ELP4: variants seen among roughly 807,000 people sequenced by gnomAD.
ELP4 encodes elongator acetyltransferase complex subunit 4.
A neutral mutation model predicts 48.9 loss-of-function variants in ELP4; 51 were observed. That is an observed-to-expected ratio of 1.04 (90% CI 0.83 to 1.32). The LOEUF is 1.32. Among genes scored for constraint, ELP4 ranks in the 40% most tolerant of loss-of-function variants. The pLI is 0.00. For missense variants in ELP4, 519 were observed against 514.6 expected (o/e 1.01, Z -0.08); for synonymous variants, 210 against 189.2 (o/e 1.11, Z -0.90).
intron 7 of ELP4, among the ~76,000 whole-genome samples, chr11:31,640,990 G>A (rs1592183220): frequency 6.6e-6 from 1 of 151,982 alleles, no homozygotes; most frequent in South Asian, 2.1e-4. Flanking sequence ...TCCTGTTCTG[G>A]GAGCTTCTGG....
intron 3 of ELP4, among the ~76,000 whole-genome samples, chr11:31,552,872 C>T (rs1956874847): frequency 6.6e-6 from 1 of 152,094 alleles, no homozygotes; most frequent in Non-Finnish European, 1.5e-5. Context: ...TACTTAATAT[C>T]TCCCCCTGAC....
chr11:31,578,539 T>C (rs1444260029), intron 3 of ELP4, among the ~76,000 whole-genome samples: 1 of 152,132 alleles, frequency 6.6e-6, no homozygotes, highest in African/African-American at 2.4e-5. Flanking sequence ...CTTCCAACTA[T>C]ACTGCAAGGC....
rs753565567 is a variant in ELP4 at position 31,539,643 on chromosome 11, C to T, written c.260-19C>T. The T allele has an allele frequency of 1.3e-6, 2 of 1,589,430 alleles. No individual in the cohort carries two copies. The highest frequency in any genetic ancestry group is 1.2e-5 in the South Asian group (1 of 84,950). On this transcript the variant is annotated intron_variant, in intron 2 of 9. Coordinates refer to ENST00000640961, the MANE Select transcript of ELP4 (RefSeq NM_019040.5). The stretch of plus-strand genomic sequence containing the variant: ...TTTTCTTGCTATATGTTTCTAACTG[C>T]AACTTTTCCTTTTTACAGAGGAGGA...
intron 9 of ELP4, chr11:31,719,448 A>G (rs1266336444): frequency 2.5e-6 from 1 of 398,140 alleles, no homozygotes; most frequent in Non-Finnish European, 4.4e-6. Context: ...TATAATTCTA[A>G]TAATGAAATT....
intron 3 of ELP4, among the ~76,000 whole-genome samples, chr11:31,581,193 G>A (rs1363349296): frequency 6.6e-6 from 1 of 152,050 alleles, no homozygotes; most frequent in Non-Finnish European, 1.5e-5. Flanking sequence ...TGCTTCCTAG[G>A]TTGTCTACAC....
At position 31,776,374 on chromosome 11, in the gene ELP4, C is replaced by A. The variant is rs567186151; in HGVS notation, c.1144-7019C>A. 5.1e-4 allele frequency among the ~76,000 whole-genome samples: 78 copies of A among 152,328 alleles called. 1 individual carries two copies. Among genetic ancestry groups the A allele is most frequent in the Non-Finnish European group, 1.0e-3 (70 of 68,034 alleles). ...CACCCTAAAGTTAACCATAGCACTT[C>A]TGCTCCAGATGAAGTGACCATAACT... On this transcript the variant is annotated intron_variant, in intron 9 of 9. Transcript: ENST00000640961.
intron 5 of ELP4, among the ~76,000 whole-genome samples, chr11:31,613,510 C>A (rs1958019616): frequency 6.6e-6 from 1 of 152,024 alleles, no homozygotes; most frequent in African/African-American, 2.4e-5. Flanking sequence ...TTTTTAGAAT[C>A]AAAAACATTT....
intron 4 of ELP4, among the ~76,000 whole-genome samples, chr11:31,596,317 T>C (rs1449783800): frequency 6.6e-6 from 1 of 152,112 alleles, no homozygotes; most frequent in Non-Finnish European, 1.5e-5. Flanking sequence ...AGGCAGAGAA[T>C]TGCTTGAACC....
At chr11:31,704,299 A>G (rs1009441349) in intron 9 of ELP4, among the ~76,000 whole-genome samples, 2 of 152,154 alleles carry the variant, frequency 1.3e-5, no homozygotes, top group Admixed American at 1.3e-4. Flanking sequence ...TCTTAAAACT[A>G]TGCAGCCATA....
intron 9 of ELP4, chr11:31,707,405 T>C (rs921430500): frequency 1.8e-5 from 3 of 162,166 alleles, no homozygotes; most frequent in African/African-American, 7.2e-5. Context: ...CATCTTGGTA[T>C]GTTGTAAGTG....
rs184900808 is a variant in ELP4 at position 31,519,948 on chromosome 11, T to A, written c.224-108T>A. 182 of 951,946 alleles carry A rather than the reference T, an allele frequency of 1.9e-4. No individual in the cohort carries two copies. The African/African-American group carries it at 2.7e-3, about 14-fold the overall frequency. 59.0% of individuals were successfully genotyped at this position (951,946 alleles called of 1,614,324 possible). On this transcript the variant is annotated intron_variant, in intron 1 of 9. Coordinates refer to ENST00000640961, the MANE Select transcript of ELP4 (RefSeq NM_019040.5). ...AGGTAATTAAAATGTTGTTCACAAC[T>A]ACTGTTTTAAAGTTATTGAAGTGCC...
chr11:31,692,074 G>C (rs1322262458), intron 9 of ELP4, among the ~76,000 whole-genome samples: 1 of 152,112 alleles, frequency 6.6e-6, no homozygotes, highest in Admixed American at 6.6e-5. Flanking sequence ...TTTTTAAGCT[G>C]TGAAACTCTG....
At chr11:31,578,119 G>A (rs952069860) in intron 3 of ELP4, among the ~76,000 whole-genome samples, 5 of 152,078 alleles carry the variant, frequency 3.3e-5, no homozygotes, top group Non-Finnish European at 5.9e-5. Flanking sequence ...AAATCAATGT[G>A]CAAAAATCAC....
At chr11:31,551,926 A>G (rs1472014246) in intron 3 of ELP4, among the ~76,000 whole-genome samples, 1 of 152,182 alleles carries the variant, frequency 6.6e-6, no homozygotes, top group Non-Finnish European at 1.5e-5. Context: ...TGACACACAG[A>G]TTTCTAACCT....
At chr11:31,557,119 A>C (rs978066547) in intron 3 of ELP4, among the ~76,000 whole-genome samples, 5 of 151,914 alleles carry the variant, frequency 3.3e-5, no homozygotes, top group Non-Finnish European at 7.4e-5. Flanking sequence ...AACATTTAGT[A>C]ATAAAGCAAT....
intron 9 of ELP4, among the ~76,000 whole-genome samples, chr11:31,688,966 A>T (rs779283492): frequency 3.6e-4 from 55 of 152,190 alleles, no homozygotes; most frequent in Non-Finnish European, 6.8e-4. Flanking sequence ...AATTTATGGC[A>T]ATTTGTTAAC....
intron 9 of ELP4, among the ~76,000 whole-genome samples, chr11:31,772,388 G>A (rs1164011280): frequency 6.6e-6 from 1 of 152,088 alleles, no homozygotes; most frequent in Non-Finnish European, 1.5e-5. Flanking sequence ...CCCAAGTGCT[G>A]GAATTACAGG....
At position 31,656,074 on chromosome 11, in the gene ELP4, C is replaced by T. The variant is rs571519820; in HGVS notation, c.1143+5853C>T. Among the ~76,000 whole-genome samples, 9 of 151,992 alleles carry T rather than the reference C, an allele frequency of 5.9e-5. No homozygotes were observed. The South Asian group carries it at 1.0e-3, about 17-fold the overall frequency. Reference sequence around the variant, plus strand: ...TTTTTCCCTGAGTCATTTATGTTCACTGACAGTTTTTCTGAAATTTCTTTA... The same window carrying T: ...TTTTTCCCTGAGTCATTTATGTTCATTGACAGTTTTTCTGAAATTTCTTTA... On this transcript the variant is annotated intron_variant, in intron 9 of 9. Coordinates refer to ENST00000640961, the MANE Select transcript of ELP4 (RefSeq NM_019040.5).
At chr11:31,618,576 C>T (rs1473772071) in intron 5 of ELP4, among the ~76,000 whole-genome samples, 2 of 151,984 alleles carry the variant, frequency 1.3e-5, no homozygotes, top group Non-Finnish European at 2.9e-5. Flanking sequence ...GTAACAATGG[C>T]AACTAAATTT....
Sources: gnomAD v4.1 joint callset for allele counts (sites outside exome capture counted in the v4.1 genomes callset) on GRCh38, gnomAD v4.1.1 for gene constraint, MANE v1.5 for transcripts, NCBI Gene and HGNC (gene_info 2026-07-23, HGNC 2026-07-21) for gene names.